Variants in DSCAML1 observed in about 807,000 individuals in gnomAD.
DSCAML1 encodes the protein cell adhesion molecule DSCAML1.
In DSCAML1, 38 loss-of-function variants were observed where a neutral mutation model predicts 200.5. The observed-to-expected ratio is 0.19, with a 90% CI of 0.15 to 0.25. DSCAML1 has a LOEUF of 0.25. Ranked by LOEUF, DSCAML1 falls within the 10% of genes least tolerant of loss-of-function variation. The pLI, the probability that DSCAML1 is intolerant of heterozygous loss-of-function variation, is 1.00. For missense variants in DSCAML1, 2,223 were observed against 2,858.8 expected (o/e 0.78, Z 5.07); for synonymous variants, 1,215 against 1,165.0 (o/e 1.04, Z -0.87).
At chr11:117,685,131 A>G (rs940139789) in intron 3 of DSCAML1, among the ~76,000 whole-genome samples, 1 of 152,222 alleles carries the variant, frequency 6.6e-6, no homozygotes, top group Non-Finnish European at 1.5e-5. Context: ...CAGGCCTCTC[A>G]ACATTCACTG....
intron 11 of DSCAML1, among the ~76,000 whole-genome samples, chr11:117,494,038 A>C (rs542902768): frequency 6.6e-6 from 1 of 152,344 alleles, no homozygotes; most frequent in East Asian, 1.9e-4. Context: ...TACATGAATT[A>C]TCTCATTAAC....
At position 117,482,071 on chromosome 11, in the gene DSCAML1, G is replaced by A. The variant is rs2048936509; in HGVS notation, c.2451C>T (p.Pro817=). Residue 817 remains proline, a synonymous_variant, in exon 12 of 33, where the codon CCC becomes CCT. Coordinates refer to ENST00000651296, the MANE Select transcript of DSCAML1 (RefSeq NM_020693.4). ...ELNCTARGER[P]IIIRWEKGDT... ...CCCCCTTCTCCCAGCGGATGATGATGGGCCGCTCACCCCGTGCCGTGCAGT... is the reference window on the plus strand; with the variant it reads ...CCCCCTTCTCCCAGCGGATGATGATAGGCCGCTCACCCCGTGCCGTGCAGT... The A allele has an allele frequency of 6.2e-7, 1 of 1,614,198 alleles. No homozygotes were observed. Among genetic ancestry groups the A allele is most frequent in the East Asian group, 2.2e-5 (1 of 44,886 alleles).
intron 3 of DSCAML1, among the ~76,000 whole-genome samples, chr11:117,746,917 C>T (rs574974022): frequency 2.0e-5 from 3 of 152,184 alleles, no homozygotes; most frequent in Non-Finnish European, 4.4e-5. Context: ...GACATGCCTC[C>T]AACACAGCAC....
At chr11:117,736,423 C>T (rs1942930) in intron 3 of DSCAML1, among the ~76,000 whole-genome samples, 120,491 of 152,180 alleles carry the variant, frequency 0.79, 51,202 homozygotes, top group Non-Finnish European at 0.94. Context: ...TAGTCCTTTA[C>T]AACCAAATCT....
rs117658533 is a variant in DSCAML1 at position 117,654,982 on chromosome 11, G to A, written c.511+121809C>T. 5.1e-4 allele frequency among the ~76,000 whole-genome samples: 78 copies of A among 152,348 alleles called. No homozygotes were observed. In the East Asian group the frequency reaches 0.013, roughly 26 times the overall value. ...CCGAAACAGAAAACCCTCTGCCCAC[G>A]CTTGTCTCCCAGCCCTGATGCCAGA... On this transcript the variant is annotated intron_variant, in intron 3 of 32. Coordinates refer to ENST00000651296, the MANE Select transcript of DSCAML1 (RefSeq NM_020693.4).
At chr11:117,634,298 G>A (rs2052233425) in intron 3 of DSCAML1, among the ~76,000 whole-genome samples, 1 of 152,144 alleles carries the variant, frequency 6.6e-6, no homozygotes, top group South Asian at 2.1e-4. Flanking sequence ...AGGGCCAGTG[G>A]GCATCAGGAA....
chr11:117,650,700 T>TGTGTGCGCGCGC (rs147584706), intron 3 of DSCAML1, among the ~76,000 whole-genome samples: 2 of 147,352 alleles, frequency 1.4e-5, no homozygotes, highest in South Asian at 2.2e-4. Context: ...TGTGTGTGTG[T>TGTGTGCGCGCGC]GCGTGTGTGT....
At chr11:117,447,860 T>C (rs1057453816) in intron 20 of DSCAML1, among the ~76,000 whole-genome samples, 19 of 152,218 alleles carry the variant, frequency 1.2e-4, no homozygotes, top group Non-Finnish European at 5.9e-5. Context: ...CAGAGCTGTC[T>C]TTCATAAATG....
At position 117,578,128 on chromosome 11, in the gene DSCAML1, G is replaced by A. The variant is rs143778681; in HGVS notation, c.512-45606C>T. ...TGCATGACTGTAATCCCAGCTACTC[G>A]GGAGGCTGAGGCAGGAGAATTGCCT... On this transcript the variant is annotated intron_variant, in intron 3 of 32. Transcript: ENST00000651296. 2.7e-3 allele frequency among the ~76,000 whole-genome samples: 402 copies of A among 151,084 alleles called. 1 individual carries two copies. Among genetic ancestry groups the A allele is most frequent in the African/African-American group, 7.8e-3 (320 of 41,202 alleles).
At chr11:117,479,543 C>T (rs1364260745) in intron 14 of DSCAML1, among the ~76,000 whole-genome samples, 5 of 152,214 alleles carry the variant, frequency 3.3e-5, no homozygotes, top group Admixed American at 6.5e-5. Flanking sequence ...GGACTTACCA[C>T]AGTCTCCCCA....
intron 3 of DSCAML1, among the ~76,000 whole-genome samples, chr11:117,703,914 A>G (rs2053709791): frequency 1.3e-5 from 2 of 152,348 alleles, no homozygotes; most frequent in East Asian, 1.9e-4. Context: ...GCTATGTGCC[A>G]GGCTCTGTGC....
intron 3 of DSCAML1, among the ~76,000 whole-genome samples, chr11:117,749,592 C>T (rs2054572044): frequency 6.6e-6 from 1 of 152,196 alleles, no homozygotes; most frequent in Non-Finnish European, 1.5e-5. Context: ...CGGAACCAGC[C>T]CATCTGCTGG....
At chr11:117,457,081 TC>T (rs2137134532) in intron 19 of DSCAML1, among the ~76,000 whole-genome samples, 1 of 152,324 alleles carries the variant, frequency 6.6e-6, no homozygotes, top group African/African-American at 2.4e-5. Context: ...GGTACCACTC[TC>T]CCCATGTTAT....
intron 3 of DSCAML1, among the ~76,000 whole-genome samples, chr11:117,759,392 G>A (rs1263390785): frequency 6.6e-6 from 1 of 152,218 alleles, no homozygotes; most frequent in African/African-American, 2.4e-5. Flanking sequence ...CAAGAAGGCA[G>A]CAGCTGTTGA....
chr11:117,796,902 G>GC, intron 1 of DSCAML1, 132 bp downstream of exon 1: 1 of 553,574 alleles, frequency 1.8e-6, no homozygotes, highest in Admixed American at 4.7e-5. Flanking sequence ...TCCCCGCTGC[G>GC]CCCCACCCGG....
At chr11:117,578,473 C>G (rs142017480) in intron 3 of DSCAML1, among the ~76,000 whole-genome samples, 1 of 152,120 alleles carries the variant, frequency 6.6e-6, no homozygotes, top group African/African-American at 2.4e-5. Flanking sequence ...AAGTTCAAGA[C>G]CAGTCTCGCC....
At chr11:117,576,738 T>C (rs1422675203) in intron 3 of DSCAML1, among the ~76,000 whole-genome samples, 3 of 152,182 alleles carry the variant, frequency 2.0e-5, no homozygotes, top group South Asian at 4.1e-4. Flanking sequence ...TTTTGCCTCC[T>C]GAGCATGTGT....
At chr11:117,486,686 A>C (rs1227556012) in intron 11 of DSCAML1, among the ~76,000 whole-genome samples, 1 of 152,076 alleles carries the variant, frequency 6.6e-6, no homozygotes, top group Non-Finnish European at 1.5e-5. Flanking sequence ...TGTACAAGTT[A>C]CTGGCTTCAG....
rs1379669705 is a variant in DSCAML1 at position 117,518,920 on chromosome 11, G to A, written c.1214-158C>T. On this transcript the variant is annotated intron_variant, in intron 6 of 32. Transcript: ENST00000651296. The surrounding 1 kb of genome is among the most constrained non-coding windows in gnomAD (Gnocchi z 6.3). The stretch of plus-strand genomic sequence containing the variant: ...TCTTCTGCTATCCGCAACCCCAAGT[G>A]GTGCCAGTTACTGCTGTACATGGAT... Among the ~76,000 whole-genome samples, 1 of 152,230 alleles carries A rather than the reference G, an allele frequency of 6.6e-6. No homozygotes were observed. Among genetic ancestry groups the A allele is most frequent in the African/African-American group, 2.4e-5 (1 of 41,460 alleles).
Sources: allele counts gnomAD v4.1 joint callset (sites outside exome capture counted in the v4.1 genomes callset), GRCh38; gene constraint gnomAD v4.1.1; non-coding constraint Gnocchi (gnomAD v3.1); transcripts MANE v1.5; gene names NCBI Gene and HGNC (gene_info 2026-07-23, HGNC 2026-07-21).